The following CTNNA3 variants were observed in gnomAD, a reference collection of about 807,000 sequenced individuals.
CTNNA3 encodes the protein catenin alpha 3, also known as catenin alpha-3.
CTNNA3 carries 76 observed loss-of-function variants against 95.7 expected under a neutral mutation model. The observed-to-expected ratio is 0.79, with a 90% CI of 0.66 to 0.96. The LOEUF is 0.96. CTNNA3 is among the 40% of genes least tolerant of loss of function. CTNNA3 has a pLI of 0.00. For synonymous variants in CTNNA3, 431 were observed against 374.4 expected (o/e 1.15, Z -1.74); for missense variants, 1,191 against 1,089.8 (o/e 1.09, Z -1.31).
chr10:67,724,728 C>T (rs958951392), intron 1 of CTNNA3, among the ~76,000 whole-genome samples: 1 of 152,144 alleles, frequency 6.6e-6, no homozygotes, highest in Non-Finnish European at 1.5e-5. Context: ...TTTAGAAGTA[C>T]CTAGTATATT....
chr10:67,589,143 C>G (rs1051830737), intron 3 of CTNNA3, among the ~76,000 whole-genome samples: 2 of 152,116 alleles, frequency 1.3e-5, no homozygotes, highest in African/African-American at 2.4e-5. Flanking sequence ...GAGGGAGATT[C>G]ACTTTCCCCT....
chr10:66,864,297 T>G (rs1292670396), intron 7 of CTNNA3, among the ~76,000 whole-genome samples: 1 of 152,082 alleles, frequency 6.6e-6, no homozygotes. Flanking sequence ...ACCATGGGAA[T>G]TAGTTAGTTA....
intron 7 of CTNNA3, among the ~76,000 whole-genome samples, chr10:66,845,250 C>T (rs1489946734): frequency 4.6e-5 from 7 of 152,094 alleles, no homozygotes; most frequent in Admixed American, 4.6e-4. Flanking sequence ...AAGACATAAA[C>T]GTGACCAACA....
rs1022166559 is a variant in CTNNA3, at chr10:66,604,524, G to A, written c.1374+17168C>T. Among the ~76,000 whole-genome samples the A allele has an allele frequency of 3.3e-5, 5 of 152,076 alleles. No homozygotes were observed. In the East Asian group the frequency reaches 5.8e-4, roughly 18 times the overall value. ...ACAGATCCTGCTGTCACCATACTAC[G>A]AAATGCTTTGGCTGACACCACCCAT... On this transcript the variant is annotated intron_variant, in intron 10 of 17. Coordinates refer to ENST00000433211, the MANE Select transcript of CTNNA3 (RefSeq NM_013266.4).
intron 16 of CTNNA3, among the ~76,000 whole-genome samples, chr10:65,975,480 C>T (rs1187035274): frequency 6.6e-6 from 1 of 151,972 alleles, no homozygotes; most frequent in African/African-American, 2.4e-5. Context: ...TTACTATGTG[C>T]CACATGCTAT....
intron 15 of CTNNA3, among the ~76,000 whole-genome samples, chr10:65,990,482 G>C (rs987108942): frequency 2.0e-5 from 3 of 150,588 alleles, no homozygotes; most frequent in Non-Finnish European, 4.4e-5. Flanking sequence ...AAGCTAATTA[G>C]TGATGTTGAG....
chr10:66,420,835 A>AAATTAATAAATT (rs1554959967), intron 11 of CTNNA3, among the ~76,000 whole-genome samples: 1 of 92,994 alleles, frequency 1.1e-5, no homozygotes, highest in Non-Finnish European at 2.3e-5. Flanking sequence ...ATAAATAAAT[A>AAATTAATAAATT]AATAAAAAAC....
chr10:66,079,119 C>T (rs1439305982), intron 14 of CTNNA3: 3 of 151,978 alleles, frequency 2.0e-5, no homozygotes, highest in Non-Finnish European at 4.4e-5. Context: ...AGGACACCTT[C>T]ATCCTATTAT....
At chr10:67,255,551 T>G (rs1866313835) in intron 5 of CTNNA3, among the ~76,000 whole-genome samples, 1 of 152,198 alleles carries the variant, frequency 6.6e-6, no homozygotes. Context: ...TTATAGCTAT[T>G]AAATACTTTA....
chr10:67,137,311 T>TAA (rs11414842), intron 7 of CTNNA3, among the ~76,000 whole-genome samples: 30 of 151,834 alleles, frequency 2.0e-4, no homozygotes, highest in African/African-American at 7.0e-4. Flanking sequence ...TTTTCTGTAT[T>TAA]AAAAAAATAT....
rs553778267 is a variant in CTNNA3, at chr10:67,466,761, A to G, written c.579+55081T>C. Among the ~76,000 whole-genome samples the G allele has an allele frequency of 3.3e-5, 5 of 152,348 alleles. No homozygotes were observed. The East Asian group carries it at 9.6e-4, about 29-fold the overall frequency. On this transcript the variant is annotated intron_variant, in intron 5 of 17. Coordinates refer to ENST00000433211, the MANE Select transcript of CTNNA3 (RefSeq NM_013266.4). ...ACATGCCTATAAAATTGTTTCTTAC[A>G]TATGACAAACAGTTGTTTGTCTTTC...
chr10:67,252,671 G>T (rs571735178), intron 5 of CTNNA3, among the ~76,000 whole-genome samples: 75 of 152,230 alleles, frequency 4.9e-4, no homozygotes, highest in Non-Finnish European at 9.6e-4. Flanking sequence ...GTGACATACC[G>T]TTAGGCTACT....
chr10:66,623,783 A>C (rs10822854), intron 9 of CTNNA3, among the ~76,000 whole-genome samples: 50,541 of 151,962 alleles, frequency 0.33, 8,817 homozygotes, highest in Middle Eastern at 0.51. Context: ...TTTTAAGATA[A>C]GTAATATCTG....
At chr10:66,987,903 T>TA (rs897179100) in intron 7 of CTNNA3, among the ~76,000 whole-genome samples, 11 of 152,186 alleles carry the variant, frequency 7.2e-5, no homozygotes, top group Admixed American at 2.6e-4. Flanking sequence ...CAGAGGGTTT[T>TA]AAAAAATCAG....
intron 7 of CTNNA3, among the ~76,000 whole-genome samples, chr10:66,975,326 T>C (rs759585196): frequency 1.3e-5 from 2 of 152,214 alleles, no homozygotes; most frequent in Non-Finnish European, 2.9e-5. Context: ...TGCATGCTGC[T>C]GTCTTTTGCA....
At chr10:67,715,705 T>C (rs1207918711) in intron 1 of CTNNA3, among the ~76,000 whole-genome samples, 1 of 152,064 alleles carries the variant, frequency 6.6e-6, no homozygotes, top group Non-Finnish European at 1.5e-5. Flanking sequence ...GTTACATAGA[T>C]TGAATAAACA....
intron 2 of CTNNA3, among the ~76,000 whole-genome samples, chr10:67,643,160 C>A (rs903185056): frequency 6.6e-6 from 1 of 152,148 alleles, no homozygotes; most frequent in Non-Finnish European, 1.5e-5. Flanking sequence ...AACAAGTTCA[C>A]GTCCTTTGTA....
chr10:66,457,365 A>C (rs2093501375), intron 11 of CTNNA3, among the ~76,000 whole-genome samples: 1 of 152,106 alleles, frequency 6.6e-6, no homozygotes, highest in South Asian at 2.1e-4. Context: ...AATAAAAAGA[A>C]AACAAACAAC....
chr10:66,972,069 C>T (rs1327606254), intron 7 of CTNNA3, among the ~76,000 whole-genome samples: 3 of 152,160 alleles, frequency 2.0e-5, no homozygotes, highest in African/African-American at 7.2e-5. Flanking sequence ...TTGAACTCTA[C>T]ACTCCACTGA....
Sources: allele counts gnomAD v4.1 joint callset (sites outside exome capture counted in the v4.1 genomes callset), GRCh38; gene constraint gnomAD v4.1.1; transcripts MANE v1.5; gene names NCBI Gene and HGNC (gene_info 2026-07-23, HGNC 2026-07-21).